Variants in BCKDHB observed in about 807,000 individuals in gnomAD.
BCKDHB encodes branched chain keto acid dehydrogenase E1 subunit beta, also known as 2-oxoisovalerate dehydrogenase subunit beta, mitochondrial.
BCKDHB carries 41 observed loss-of-function variants against 48.5 expected under a neutral mutation model. The ratio of observed to expected loss-of-function variants is 0.85; its 90% CI spans 0.66 to 1.10. The LOEUF is 1.10. BCKDHB is among the 50% of genes least tolerant of loss of function. BCKDHB has a pLI of 0.00. For synonymous variants in BCKDHB, 201 were observed against 174.8 expected (o/e 1.15, Z -1.18); for missense variants, 496 against 494.2 (o/e 1.00, Z -0.03).
At chr6:80,164,896 G>T (rs1772496221) in intron 3 of BCKDHB, among the ~76,000 whole-genome samples, 1 of 152,134 alleles carries the variant, frequency 6.6e-6, no homozygotes, top group African/African-American at 2.4e-5. Flanking sequence ...TGTCTTATTT[G>T]TGCTCTTCTC....
chr6:80,445,472 G>A, the BCKDHB span, among the ~76,000 whole-genome samples: 2,449 of 152,268 alleles, frequency 0.016, 80 homozygotes, highest in African/African-American at 0.055. Context: ...AGCTGAGTGA[G>A]ACTCAATTGA....
chr6:80,375,446 A>T, the BCKDHB span, among the ~76,000 whole-genome samples: 1 of 152,232 alleles, frequency 6.6e-6, no homozygotes, highest in South Asian at 2.1e-4. Context: ...GCTATTGCTG[A>T]TACTTTCCAG....
chr6:80,350,571 A>G (rs1474808520), downstream of BCKDHB, among the ~76,000 whole-genome samples: 1 of 152,124 alleles, frequency 6.6e-6, no homozygotes, highest in Non-Finnish European at 1.5e-5. Flanking sequence ...TAGTTGGCCC[A>G]CAGTGTTGAT....
chr6:80,247,129 G>A (rs1377162425), intron 8 of BCKDHB, among the ~76,000 whole-genome samples: 3 of 152,094 alleles, frequency 2.0e-5, no homozygotes, highest in Non-Finnish European at 2.9e-5. Flanking sequence ...AAACAAAACC[G>A]TTTCTCTCTC....
intron 9 of BCKDHB, among the ~76,000 whole-genome samples, chr6:80,298,393 G>C (rs1463023475): frequency 6.6e-6 from 1 of 152,110 alleles, no homozygotes; most frequent in African/African-American, 2.4e-5. Flanking sequence ...ACAGGCATTA[G>C]CCACCATGCC....
chr6:80,191,223 G>A (rs1475097226), intron 6 of BCKDHB, among the ~76,000 whole-genome samples: 1 of 152,176 alleles, frequency 6.6e-6, no homozygotes, highest in Non-Finnish European at 1.5e-5. Flanking sequence ...TTTAATGTTA[G>A]ATATGCAATA....
At chr6:80,414,402 C>T in the BCKDHB span, among the ~76,000 whole-genome samples, 1 of 152,032 alleles carries the variant, frequency 6.6e-6, no homozygotes, top group African/African-American at 2.4e-5. Context: ...TCTAGGTTGC[C>T]TTCCAAGGTT....
At chr6:80,342,906 C>T (rs751551544) in intron 9 of BCKDHB, among the ~76,000 whole-genome samples, 18 of 152,194 alleles carry the variant, frequency 1.2e-4, no homozygotes, top group Non-Finnish European at 2.5e-4. Context: ...TCTCTAGCCT[C>T]ATGGGACTCA....
At chr6:80,126,041 A>G (rs1349839094) in intron 1 of BCKDHB, among the ~76,000 whole-genome samples, 1 of 152,206 alleles carries the variant, frequency 6.6e-6, no homozygotes, top group Non-Finnish European at 1.5e-5. Flanking sequence ...CTGAAGAAAA[A>G]TAAATTTTTA....
intron 3 of BCKDHB, among the ~76,000 whole-genome samples, chr6:80,147,496 G>T (rs997560053): frequency 6.6e-6 from 1 of 152,034 alleles, no homozygotes; most frequent in Non-Finnish European, 1.5e-5. Flanking sequence ...TTTAAAAAAG[G>T]TTCATACATT....
chr6:80,338,251 G>GT (rs1356752474), intron 9 of BCKDHB, among the ~76,000 whole-genome samples: 4 of 152,198 alleles, frequency 2.6e-5, no homozygotes, highest in Non-Finnish European at 5.9e-5. Flanking sequence ...TCTTGACTCT[G>GT]TTTTTTAAAG....
chr6:80,207,510 T>C (rs1256767166), intron 8 of BCKDHB, among the ~76,000 whole-genome samples: 1 of 151,612 alleles, frequency 6.6e-6, no homozygotes, highest in Non-Finnish European at 1.5e-5. Context: ...GATGATAAGA[T>C]GATATAAACC....
At chr6:80,334,571 T>C (rs1290927253) in intron 9 of BCKDHB, among the ~76,000 whole-genome samples, 1 of 152,024 alleles carries the variant, frequency 6.6e-6, no homozygotes, top group East Asian at 1.9e-4. Context: ...TGACTTGGTC[T>C]GATTTATTCA....
chr6:80,462,830 A>C, the BCKDHB span: 2 of 150,454 alleles, frequency 1.3e-5, no homozygotes, highest in Admixed American at 6.6e-5. Context: ...ATTTCCATAG[A>C]TTTTCTTCTT....
At chr6:80,107,261 C>T (rs1206883989) in intron 1 of BCKDHB, among the ~76,000 whole-genome samples, 1 of 148,376 alleles carries the variant, frequency 6.7e-6, no homozygotes, top group East Asian at 2.0e-4. Context: ...CAGGACTGGG[C>T]CACTAGCTTA....
chr6:80,392,862 C>CTTTTT, the BCKDHB span, among the ~76,000 whole-genome samples: 1 of 102,078 alleles, frequency 9.8e-6, no homozygotes, highest in African/African-American at 3.2e-5. Context: ...ACCTTTTTAA[C>CTTTTT]TTTTTTTTTT....
At chr6:80,198,100 A>G (rs1774216616) in intron 6 of BCKDHB, among the ~76,000 whole-genome samples, 1 of 152,210 alleles carries the variant, frequency 6.6e-6, no homozygotes, top group African/African-American at 2.4e-5. Flanking sequence ...AAACGAACAG[A>G]TGGTAAATAT....
intron 1 of BCKDHB, among the ~76,000 whole-genome samples, chr6:80,126,915 GT>G (rs1770372389): frequency 6.6e-6 from 1 of 152,234 alleles, no homozygotes; most frequent in African/African-American, 2.4e-5. Context: ...GTCAGGTACT[GT>G]TCTGAGTGTA....
chr6:80,423,419 T>C, the BCKDHB span, among the ~76,000 whole-genome samples: 3 of 152,226 alleles, frequency 2.0e-5, no homozygotes, highest in South Asian at 2.1e-4. Context: ...AGAAATTTGG[T>C]GTTTCTCTTG....
Sources: gnomAD v4.1 joint callset for allele counts (sites outside exome capture counted in the v4.1 genomes callset) on GRCh38, gnomAD v4.1.1 for gene constraint, MANE v1.5 for transcripts, NCBI Gene and HGNC (gene_info 2026-07-23, HGNC 2026-07-21) for gene names.